SPAG6: variants seen among roughly 807,000 people sequenced by gnomAD.
SPAG6 encodes sperm associated antigen 6, also known as sperm-associated antigen 6.
Under a neutral mutation model 58.5 loss-of-function variants are expected in SPAG6, and 49 were observed. The observed-to-expected ratio is 0.84, with a 90% CI of 0.67 to 1.06. The LOEUF is 1.06. SPAG6 is among the 50% of genes least tolerant of loss of function. The pLI, the probability that SPAG6 is intolerant of heterozygous loss-of-function variation, is 0.00. For synonymous variants in SPAG6, 233 were observed against 225.6 expected, an observed-to-expected ratio of 1.03 and a Z score of -0.29; for missense variants, 560 against 611.3, an observed-to-expected ratio of 0.92 and a Z score of 0.89.
intron 7 of SPAG6, among the ~76,000 whole-genome samples, chr10:22,389,726 A>AT (rs1834143873): frequency 6.6e-6 from 1 of 152,090 alleles, no homozygotes; most frequent in Non-Finnish European, 1.5e-5. Flanking sequence ...TCAGTGGGAG[A>AT]TGACAATGGC....
intron 10 of SPAG6, among the ~76,000 whole-genome samples, chr10:22,414,209 T>C (rs948206793): frequency 6.6e-6 from 1 of 152,200 alleles, no homozygotes; most frequent in African/African-American, 2.4e-5. Context: ...CCATTCAGCA[T>C]AATTCTGGTA....
At chr10:22,372,638 G>A (rs1322310380) in intron 4 of SPAG6, among the ~76,000 whole-genome samples, 1 of 152,190 alleles carries the variant, frequency 6.6e-6, no homozygotes, top group Admixed American at 6.5e-5. Context: ...GCCGCAATGA[G>A]AGCACTTGGG....
At chr10:22,356,227 C>T (rs1836862097) in intron 2 of SPAG6, among the ~76,000 whole-genome samples, 1 of 152,206 alleles carries the variant, frequency 6.6e-6, no homozygotes, top group Non-Finnish European at 1.5e-5. Flanking sequence ...GGATATAAGA[C>T]ATTTATTCAC....
At chr10:22,349,502 T>A (rs189148415) in intron 2 of SPAG6, among the ~76,000 whole-genome samples, 5 of 152,312 alleles carry the variant, frequency 3.3e-5, no homozygotes, top group Non-Finnish European at 5.9e-5. Flanking sequence ...ATAAGAAACA[T>A]GTTTTGTGGC....
In SPAG6 at chr10:22,371,911, GT is replaced by G. The variant is rs942935237; in HGVS notation, c.472+3243del. On this transcript the variant is annotated intron_variant, in intron 4 of 10. Coordinates refer to ENST00000376624, the MANE Select transcript of SPAG6 (RefSeq NM_012443.4). ...GGGGCTGACAACCAGAAATGGTGGG[GT>G]TTTTTTTTTCCAACTGTGTACAAAT... 1.0e-4 allele frequency among the ~76,000 whole-genome samples: 15 copies of G among 149,064 alleles called. No homozygotes were observed. The East Asian group carries it at 1.9e-3, about 19-fold the overall frequency.
intron 4 of SPAG6, among the ~76,000 whole-genome samples, chr10:22,376,701 G>T (rs1833823211): frequency 6.6e-6 from 1 of 152,026 alleles, no homozygotes; most frequent in South Asian, 2.1e-4. Context: ...CTGGTTTTCA[G>T]ACCCTTGTTT....
At chr10:22,400,466 A>G (rs912967984) in intron 8 of SPAG6, among the ~76,000 whole-genome samples, 2 of 151,996 alleles carry the variant, frequency 1.3e-5, no homozygotes, top group Non-Finnish European at 2.9e-5. Flanking sequence ...ACTTGTAGCA[A>G]GGGTCAGCAC....
chr10:22,368,038 T>A lies in SPAG6; in HGVS notation c.289-457T>A, dbSNP rs544926105. ...AGGACACCAGAAAGATTAGTTGAGG[T>A]CATGAAAGGCCTACCATGCTTAAAG... On this transcript the variant is annotated intron_variant, in intron 3 of 10. Coordinates refer to ENST00000376624, the MANE Select transcript of SPAG6 (RefSeq NM_012443.4). Among the ~76,000 whole-genome samples, 11 of 152,260 alleles carry A rather than the reference T, an allele frequency of 7.2e-5. No individual in the cohort carries two copies. The East Asian group carries it at 2.1e-3, about 29-fold the overall frequency.
chr10:22,409,210 A>G (rs1190658876), intron 9 of SPAG6, among the ~76,000 whole-genome samples: 1 of 152,250 alleles, frequency 6.6e-6, no homozygotes, highest in Non-Finnish European at 1.5e-5. Flanking sequence ...TGATAAAGCA[A>G]GGTAGAAGGT....
At chr10:22,363,807 T>A (rs1034704940) in intron 2 of SPAG6, among the ~76,000 whole-genome samples, 11 of 152,234 alleles carry the variant, frequency 7.2e-5, no homozygotes, top group Admixed American at 3.9e-4. Context: ...TGTGTATAAC[T>A]AGGATATATT....
chr10:22,361,924 A>G (rs1314619416), intron 2 of SPAG6, among the ~76,000 whole-genome samples: 1 of 150,286 alleles, frequency 6.7e-6, no homozygotes, highest in Non-Finnish European at 1.5e-5. Context: ...ATATAATTCA[A>G]TATGAAAAAT....
rs1379413749 is a variant in SPAG6, at chr10:22,345,544, TTGG to T, written c.-64_-62del. The T allele has an allele frequency of 9.4e-6, 13 of 1,380,702 alleles. No individual in the cohort carries two copies. Among genetic ancestry groups the T allele is most frequent in the Non-Finnish European group, 1.3e-5 (13 of 1,018,418 alleles). The allele number at this position is 1,380,702 out of a possible 1,614,324, so 85.5% of individuals were successfully genotyped here. A position where few individuals can be genotyped will look rare whatever the true frequency, so the allele number is the denominator to read the frequency against. On this transcript the variant is annotated 5_prime_UTR_variant, in exon 1 of 11. Transcript: ENST00000376624. This position sits in a 1 kb window ranked among gnomAD's most constrained non-coding sequence, Gnocchi z 6.3. ...CCGAGTCGTCGCCACGATCGCCCCCTTGGTGGACTCGCAGGCCGAGCGGCTTCC... is the reference window on the plus strand; with the variant it reads ...CCGAGTCGTCGCCACGATCGCCCCCTTGGACTCGCAGGCCGAGCGGCTTCC...
intron 9 of SPAG6, among the ~76,000 whole-genome samples, chr10:22,407,926 G>C (rs1361075275): frequency 1.3e-5 from 2 of 149,000 alleles, no homozygotes; most frequent in Non-Finnish European, 2.9e-5. Context: ...CCAGTTGATC[G>C]CATTGGCTCC....
In SPAG6 at chr10:22,373,594, G is replaced by A. The variant is rs377459681; in HGVS notation, c.472+4916G>A. On this transcript the variant is annotated intron_variant, in intron 4 of 10. Transcript: ENST00000376624. Reference sequence around the variant, plus strand: ...ACTTTGAATGGTTTTTCTTAGAGGGGGAATGGATGGGGAGAAGGGACTACA... The same window carrying A: ...ACTTTGAATGGTTTTTCTTAGAGGGAGAATGGATGGGGAGAAGGGACTACA... Among the ~76,000 whole-genome samples, 16 of 152,214 alleles carry A rather than the reference G, an allele frequency of 1.1e-4. 2 individuals are homozygous for A. The highest frequency in any genetic ancestry group is 3.4e-4 in the African/African-American group (14 of 41,516).
intron 9 of SPAG6, among the ~76,000 whole-genome samples, chr10:22,409,116 G>T (rs1041201834): frequency 6.6e-6 from 1 of 152,166 alleles, no homozygotes; most frequent in Non-Finnish European, 1.5e-5. Context: ...GCTGTAGACC[G>T]GAGCTGTTCC....
At chr10:22,350,882 A>C (rs559899587) in intron 2 of SPAG6, among the ~76,000 whole-genome samples, 1 of 152,342 alleles carries the variant, frequency 6.6e-6, no homozygotes, top group Non-Finnish European at 1.5e-5. Context: ...GAGGAAGAAA[A>C]GTTTTTGGAA....
At chr10:22,389,084 G>C (rs1360248537) in intron 6 of SPAG6, 76 bp from the exon 7 acceptor site, 1 of 1,241,920 alleles carries the variant, frequency 8.1e-7, no homozygotes. Flanking sequence ...GTTCTAAATA[G>C]AGTGTGGCAA....
intron 8 of SPAG6, among the ~76,000 whole-genome samples, chr10:22,393,380 G>A (rs1167895212): frequency 6.6e-6 from 1 of 152,106 alleles, no homozygotes; most frequent in Admixed American, 6.6e-5. Flanking sequence ...AGCTTGAGAA[G>A]CCCTTGCAAA....
intron 9 of SPAG6, among the ~76,000 whole-genome samples, chr10:22,407,651 G>C (rs997150301): frequency 5.3e-5 from 8 of 151,288 alleles, no homozygotes; most frequent in Non-Finnish European, 7.4e-5. Flanking sequence ...TCTTTGTGGC[G>C]TTCTCTGTAT....
Sources: gnomAD v4.1 joint callset for allele counts (sites outside exome capture counted in the v4.1 genomes callset) on GRCh38, gnomAD v4.1.1 for gene constraint, Gnocchi (gnomAD v3.1) non-coding constraint, MANE v1.5 for transcripts, NCBI Gene and HGNC (gene_info 2026-07-23, HGNC 2026-07-21) for gene names.